The following VTI1A variants were observed in gnomAD, a reference collection of about 807,000 sequenced individuals.
VTI1A encodes vesicle transport through interaction with t-SNAREs homolog 1A.
In VTI1A, 22 loss-of-function variants were observed where a neutral mutation model predicts 34.9. That is an observed-to-expected ratio of 0.63 (90% CI 0.45 to 0.90). The LOEUF (loss-of-function observed/expected upper bound fraction) is 0.90. Among genes scored for constraint, VTI1A ranks in the 40% least tolerant of loss-of-function variants. The pLI is 0.00. For synonymous variants in VTI1A, 87 were observed against 97.3 expected (o/e 0.89, Z 0.62); for missense variants, 268 against 275.6 (o/e 0.97, Z 0.20).
intron 5 of VTI1A, among the ~76,000 whole-genome samples, chr10:112,578,644 A>T (rs11812525): frequency 6.6e-6 from 1 of 152,156 alleles, no homozygotes; most frequent in Non-Finnish European, 1.5e-5. Flanking sequence ...GCTTTTTGTC[A>T]TATTTGCATG....
the VTI1A span, among the ~76,000 whole-genome samples, chr10:112,828,879 CATAAGA>C: frequency 6.6e-6 from 1 of 150,816 alleles, no homozygotes; most frequent in Non-Finnish European, 1.5e-5. Context: ...ACCACACACA[CATAAGA>C]ATAAATATTA....
At chr10:112,458,644 A>ATATTTT (rs199782141) in intron 1 of VTI1A, among the ~76,000 whole-genome samples, 2,521 of 149,008 alleles carry the variant, frequency 0.017, 65 homozygotes, top group African/African-American at 0.05. Context: ...AATTATATAT[A>ATATTTT]TATTTTTATT....
chr10:112,577,674 G>C (rs890267812), intron 5 of VTI1A, among the ~76,000 whole-genome samples: 1 of 152,238 alleles, frequency 6.6e-6, no homozygotes, highest in Admixed American at 6.5e-5. Context: ...AGGGTGATAT[G>C]ATGAGGCCTA....
At chr10:112,623,387 A>G (rs912292510) in intron 5 of VTI1A, among the ~76,000 whole-genome samples, 2 of 151,976 alleles carry the variant, frequency 1.3e-5, no homozygotes, top group African/African-American at 4.8e-5. Context: ...GTGTGTATGT[A>G]TATATACGTA....
intron 5 of VTI1A, among the ~76,000 whole-genome samples, chr10:112,546,501 T>C (rs772755698): frequency 2.0e-5 from 3 of 152,150 alleles, no homozygotes; most frequent in Non-Finnish European, 4.4e-5. Flanking sequence ...ACTGGGATGG[T>C]CTTTTCAGGA....
rs139620924 is a variant in VTI1A at position 112,582,405 on chromosome 10, C to G, written c.427+44075C>G. 8.5e-5 allele frequency among the ~76,000 whole-genome samples: 13 copies of G among 152,252 alleles called. No homozygotes were observed. The East Asian group carries it at 2.5e-3, about 29-fold the overall frequency. Reference sequence around the variant, plus strand: ...CCTCTTGTTCCCCCAAATATATGTTCTCCTCACATGCCAAGTACATTCCTT... The same window carrying G: ...CCTCTTGTTCCCCCAAATATATGTTGTCCTCACATGCCAAGTACATTCCTT... On this transcript the variant is annotated intron_variant, in intron 5 of 7. Coordinates refer to ENST00000393077, the MANE Select transcript of VTI1A (RefSeq NM_145206.4).
chr10:112,756,169 T>C (rs1271354232), intron 7 of VTI1A, among the ~76,000 whole-genome samples: 1 of 152,032 alleles, frequency 6.6e-6, no homozygotes, highest in Non-Finnish European at 1.5e-5. Flanking sequence ...TTATTACAAG[T>C]AAACTGTTGG....
At chr10:112,850,675 G>C in the VTI1A span, among the ~76,000 whole-genome samples, 1 of 152,160 alleles carries the variant, frequency 6.6e-6, no homozygotes, top group South Asian at 2.1e-4. Context: ...TTTTTAAAAT[G>C]AGGGCCCCCC....
chr10:112,741,628 G>A (rs1245940768), intron 7 of VTI1A, among the ~76,000 whole-genome samples: 11 of 152,094 alleles, frequency 7.2e-5, no homozygotes, highest in African/African-American at 2.4e-4. Context: ...GTTTACAAAT[G>A]AAGATGAATG....
intron 7 of VTI1A, among the ~76,000 whole-genome samples, chr10:112,798,270 ACT>A (rs1432844224): frequency 6.6e-6 from 1 of 152,144 alleles, no homozygotes; most frequent in East Asian, 1.9e-4. Flanking sequence ...CTCAGCCAAC[ACT>A]GTCTCTCAGT....
intron 7 of VTI1A, among the ~76,000 whole-genome samples, chr10:112,798,329 C>G (rs1258259214): frequency 6.6e-6 from 1 of 152,194 alleles, no homozygotes; most frequent in Non-Finnish European, 1.5e-5. Context: ...AGGTTGTTCC[C>G]TTTGCTGAGG....
intron 5 of VTI1A, among the ~76,000 whole-genome samples, chr10:112,623,546 G>C (rs111632042): frequency 6.7e-6 from 1 of 150,016 alleles, no homozygotes; most frequent in East Asian, 2.0e-4. Flanking sequence ...TTTGGATCCC[G>C]TCACGATCCG....
chr10:112,794,488 G>A (rs985443980), intron 7 of VTI1A, among the ~76,000 whole-genome samples: 13 of 152,024 alleles, frequency 8.6e-5, no homozygotes, highest in African/African-American at 2.9e-4. Flanking sequence ...GGAGGTTGAG[G>A]TTGCAATGAG....
intron 7 of VTI1A, chr10:112,752,309 T>A: frequency 3.1e-6 from 3 of 956,198 alleles, no homozygotes; most frequent in Non-Finnish European, 3.7e-6. Context: ...TCTGTTGTCA[T>A]ACTGATTCCA....
At chr10:112,760,468 A>G (rs1291302023) in intron 7 of VTI1A, among the ~76,000 whole-genome samples, 2 of 152,222 alleles carry the variant, frequency 1.3e-5, no homozygotes, top group African/African-American at 2.4e-5. Flanking sequence ...GGAGACTACT[A>G]TATCCTGTTC....
chr10:112,741,462 G>A (rs1006536836), intron 7 of VTI1A, among the ~76,000 whole-genome samples: 2 of 152,108 alleles, frequency 1.3e-5, no homozygotes, highest in African/African-American at 4.8e-5. Flanking sequence ...AAGAGTGACT[G>A]TTAACGGATA....
chr10:112,694,740 G>A (rs560472945), intron 7 of VTI1A, among the ~76,000 whole-genome samples: 3 of 152,116 alleles, frequency 2.0e-5, no homozygotes, highest in South Asian at 4.2e-4. Flanking sequence ...AGGCGGAGGC[G>A]GGCAGATCAC....
intron 5 of VTI1A, among the ~76,000 whole-genome samples, chr10:112,659,863 A>G (rs1847380379): frequency 6.6e-6 from 1 of 152,242 alleles, no homozygotes; most frequent in African/African-American, 2.4e-5. Context: ...TTTATGGTAC[A>G]TAGTAAATGC....
At chr10:112,790,875 G>T (rs1236935800) in intron 7 of VTI1A, among the ~76,000 whole-genome samples, 2 of 151,810 alleles carry the variant, frequency 1.3e-5, no homozygotes, top group Non-Finnish European at 2.9e-5. Context: ...CTGGTCTGTA[G>T]AATGTGTTTG....
Sources: allele counts gnomAD v4.1 joint callset (sites outside exome capture counted in the v4.1 genomes callset), GRCh38; gene constraint gnomAD v4.1.1; transcripts MANE v1.5; gene names NCBI Gene and HGNC (gene_info 2026-07-23, HGNC 2026-07-21).